Variants in NIN observed in about 807,000 individuals in gnomAD.
The protein encoded by NIN is ninein.
A neutral mutation model predicts 257.6 loss-of-function variants in NIN; 137 were observed. The observed-to-expected ratio is 0.53, with a 90% CI of 0.46 to 0.61. The LOEUF is 0.61. Among genes scored for constraint, NIN ranks in the 20% least tolerant of loss-of-function variants. The probability of loss-of-function intolerance (pLI) is 0.00; values close to 1 mark genes in which losing one functional copy is unlikely to be tolerated. For synonymous variants in NIN, 918 were observed against 919.8 expected (o/e 1.00, Z 0.04); for missense variants, 2,439 against 2,501.2 (o/e 0.98, Z 0.53).
chr14:50,806,868 T>A (rs2044353496), intron 3 of NIN, 50 bp from the exon 4 acceptor site: 2 of 894,626 alleles, frequency 2.2e-6, no homozygotes, highest in African/African-American at 1.7e-5. Flanking sequence ...GCTCTAAGAA[T>A]GCAAACCTAT....
chr14:50,749,486 G>A (rs181363349), intron 21 of NIN, among the ~76,000 whole-genome samples: 2 of 152,182 alleles, frequency 1.3e-5, no homozygotes, highest in Admixed American at 1.3e-4. Flanking sequence ...GATACTTTGA[G>A]ACTATACAAA....
chr14:50,736,542 T>A (rs1012290844), intron 27 of NIN, among the ~76,000 whole-genome samples: 8 of 152,262 alleles, frequency 5.3e-5, no homozygotes, highest in African/African-American at 1.9e-4. Flanking sequence ...GAAAGCTGAT[T>A]TTGCTTCTAT....
chr14:50,747,628 G>T (rs1013643578), intron 22 of NIN, among the ~76,000 whole-genome samples: 1 of 152,004 alleles, frequency 6.6e-6, no homozygotes, highest in African/African-American at 2.4e-5. Flanking sequence ...CAGCTACTCG[G>T]GGGGCTGAGG....
In NIN at chr14:50,757,454, T is replaced by C; in HGVS notation, c.3576A>G (p.Glu1192=). 2 of 1,614,076 alleles carry C rather than the reference T, an allele frequency of 1.2e-6. No individual in the cohort carries two copies. The change falls in exon 18 of 31, where the codon GAA becomes GAG. Residue 1192 remains glutamate, a synonymous_variant. Coordinates refer to ENST00000530997, the MANE Select transcript of NIN (RefSeq NM_020921.4). ...TAATCTGATTCTTCAGCTCCCAGGA[T>C]TCAGTCCTGGTCTCTTCACTGTTTT... ...ELENSEETRT[E]SWELKNQISQ...
intron 28 of NIN, among the ~76,000 whole-genome samples, chr14:50,731,422 T>C (rs2040691608): frequency 6.7e-6 from 1 of 150,284 alleles, no homozygotes; most frequent in African/African-American, 2.5e-5. Context: ...TCCCAGCTAC[T>C]CGGGAGGCTA....
intron 25 of NIN, among the ~76,000 whole-genome samples, chr14:50,740,365 T>C (rs1450001569): frequency 6.6e-6 from 1 of 151,698 alleles, no homozygotes; most frequent in African/African-American, 2.4e-5. Flanking sequence ...TTTTTTTTTT[T>C]TGAGACAAAG....
chr14:50,770,262 C>G, intron 12 of NIN, 126 bp downstream of exon 12: 1 of 937,682 alleles, frequency 1.1e-6, no homozygotes. Context: ...GGGTGAAGAC[C>G]CAGCTGGGCA....
intron 5 of NIN, among the ~76,000 whole-genome samples, chr14:50,791,125 T>C (rs976906274): frequency 6.6e-6 from 1 of 152,218 alleles, no homozygotes. Flanking sequence ...ATTTAACCAT[T>C]TTTTTCATAA....
At chr14:50,761,715 T>C in intron 16 of NIN, 75 bp downstream of exon 16, 1 of 1,544,786 alleles carries the variant, frequency 6.5e-7, no homozygotes, top group Non-Finnish European at 8.9e-7. Flanking sequence ...GAAAAAAGAA[T>C]TGGAAATGCC....
chr14:50,751,767 T>C (rs1006173026), intron 21 of NIN, among the ~76,000 whole-genome samples: 23 of 152,194 alleles, frequency 1.5e-4, no homozygotes, highest in Admixed American at 9.2e-4. Flanking sequence ...GCTCAAGCTA[T>C]TCTCCTGCCT....
chr14:50,765,277 A>G (rs1441116114), intron 14 of NIN, among the ~76,000 whole-genome samples: 1 of 152,120 alleles, frequency 6.6e-6, no homozygotes, highest in African/African-American at 2.4e-5. Context: ...AACTGGGGGA[A>G]TTTCTGAAGG....
rs1404064851 is a variant in NIN at position 50,772,830 on chromosome 14, C to T, written c.813+119G>A. ...TAATGGTTAAGTCTTTCTAATTCTT[C>T]TTTTGCTTCCCTCTCTTTCCTTAGT... is the stretch of plus-strand genomic sequence containing the variant. On this transcript the variant is annotated intron_variant, in intron 8 of 30. Coordinates refer to ENST00000530997, the MANE Select transcript of NIN (RefSeq NM_020921.4). 3.6e-6 allele frequency: 3 copies of T among 841,340 alleles called. No homozygotes were observed. The African/African-American group carries it at 5.2e-5, about 15-fold the overall frequency. The allele number at this position is 841,340 out of a possible 1,614,324, so 52.1% of individuals were successfully genotyped here. A position where few individuals can be genotyped will look rare whatever the true frequency, so the allele number is the denominator to read the frequency against.
At chr14:50,782,745 TA>T in intron 5 of NIN, among the ~76,000 whole-genome samples, 1 of 152,332 alleles carries the variant, frequency 6.6e-6, no homozygotes. Context: ...GGGGGTGGGA[TA>T]AAGGGAAGCT....
intron 22 of NIN, among the ~76,000 whole-genome samples, chr14:50,744,677 C>T (rs8022633): frequency 0.035 from 5,381 of 152,260 alleles, 97 homozygotes; most frequent in Non-Finnish European, 0.048. Flanking sequence ...GTGGCTCACA[C>T]CTGTAATCCC....
chr14:50,793,137 T>A (rs1197872138), intron 4 of NIN, among the ~76,000 whole-genome samples: 2 of 152,176 alleles, frequency 1.3e-5, no homozygotes, highest in East Asian at 3.9e-4. Context: ...GCAAGGGATC[T>A]GACTTAATTG....
chr14:50,825,297 G>A lies in NIN; in HGVS notation c.-21-3220C>T, dbSNP rs562592112. 4.6e-5 allele frequency among the ~76,000 whole-genome samples: 7 copies of A among 152,332 alleles called. No homozygotes were observed. In the East Asian group the frequency reaches 1.3e-3, roughly 29 times the overall value. On this transcript the variant is annotated intron_variant, in intron 2 of 30. Coordinates refer to ENST00000530997, the MANE Select transcript of NIN (RefSeq NM_020921.4). ...CTATAGAACAGACTGAGAATGGGCA[G>A]GGAGTGTACTATGTATATAAACATC...
At chr14:50,738,622 A>G (rs1309315826) in intron 26 of NIN, among the ~76,000 whole-genome samples, 1 of 152,138 alleles carries the variant, frequency 6.6e-6, no homozygotes, top group Non-Finnish European at 1.5e-5. Context: ...CATGAACACT[A>G]CTTTTAGGAG....
chr14:50,755,944 G>A (rs2042006007), intron 18 of NIN, among the ~76,000 whole-genome samples: 1 of 152,048 alleles, frequency 6.6e-6, no homozygotes, highest in Non-Finnish European at 1.5e-5. Flanking sequence ...TGAGATTGCA[G>A]GCATTTAAGC....
In NIN at chr14:50,752,811, A is replaced by G. The variant is rs2041848979; in HGVS notation, c.4735-78T>C. On this transcript the variant is annotated intron_variant, in intron 20 of 30. Coordinates refer to ENST00000530997, the MANE Select transcript of NIN (RefSeq NM_020921.4). ...AAAAAAAAAAAACAGATTTAGAGAC[A>G]TAATTGTCTTTTCCCTCTTTATATA... The G allele has an allele frequency of 6.4e-6, 5 of 779,488 alleles. No homozygotes were observed. In the Admixed American group the frequency reaches 1.5e-4, roughly 23 times the overall value. 48.3% of individuals were successfully genotyped at this position (779,488 alleles called of 1,614,324 possible). A position where few individuals can be genotyped will look rare whatever the true frequency, so the allele number is the denominator to read the frequency against.
Sources: allele counts gnomAD v4.1 joint callset (sites outside exome capture counted in the v4.1 genomes callset), GRCh38; gene constraint gnomAD v4.1.1; transcripts MANE v1.5; gene names NCBI Gene and HGNC (gene_info 2026-07-23, HGNC 2026-07-21).